The following EXOC6B variants were observed in gnomAD, a reference collection of about 807,000 sequenced individuals.
The protein encoded by EXOC6B is SEC15 homolog B.
EXOC6B carries 54 observed loss-of-function variants against 113.5 expected under a neutral mutation model. The observed-to-expected ratio is 0.48, with a 90% CI of 0.38 to 0.60. The LOEUF (loss-of-function observed/expected upper bound fraction) is 0.60. EXOC6B is among the 20% of genes least tolerant of loss of function. The pLI is 0.00. For missense variants in EXOC6B, 797 were observed against 977.5 expected (o/e 0.82, Z 2.46); for synonymous variants, 357 against 339.0 (o/e 1.05, Z -0.58).
chr2:72,793,064 A>G (rs1024737552), intron 1 of EXOC6B, among the ~76,000 whole-genome samples: 5 of 152,208 alleles, frequency 3.3e-5, no homozygotes, highest in African/African-American at 9.6e-5. Flanking sequence ...CTGTATGAAC[A>G]TACTATAATT....
intron 7 of EXOC6B, among the ~76,000 whole-genome samples, chr2:72,564,336 G>A (rs1009042635): frequency 2.0e-5 from 3 of 152,142 alleles, no homozygotes; most frequent in Non-Finnish European, 4.4e-5. Context: ...TTTCAAAGTA[G>A]ATGGATCATC....
At chr2:72,388,577 T>C (rs988203923) in intron 18 of EXOC6B, among the ~76,000 whole-genome samples, 1 of 152,162 alleles carries the variant, frequency 6.6e-6, no homozygotes, top group African/African-American at 2.4e-5. Flanking sequence ...ATGATAATTG[T>C]TGTTCAAGTC....
intron 20 of EXOC6B, among the ~76,000 whole-genome samples, chr2:72,327,039 G>T (rs952686609): frequency 1.1e-4 from 17 of 152,030 alleles, no homozygotes; most frequent in African/African-American, 4.1e-4. Flanking sequence ...CTACCCAAAA[G>T]GTTGTCAGAA....
chr2:72,419,133 AACAAATTT>A (rs1280347942), intron 18 of EXOC6B, among the ~76,000 whole-genome samples: 1 of 152,194 alleles, frequency 6.6e-6, no homozygotes, highest in African/African-American at 2.4e-5. Flanking sequence ...TGCTACTGTC[AACAAATTT>A]ACAAATTTAT....
chr2:72,492,287 G>T, intron 16 of EXOC6B, 31 bp downstream of exon 16: 2 of 1,375,934 alleles, frequency 1.5e-6, no homozygotes, highest in East Asian at 2.3e-5. Flanking sequence ...TCACATACTG[G>T]CTCGGCTGCC....
In EXOC6B at chr2:72,529,738, T is replaced by C. The variant is rs905655305; in HGVS notation, c.916-14612A>G. On this transcript the variant is annotated intron_variant, in intron 8 of 21. Transcript: ENST00000272427. ...TCGGCCTCCCAAAGTTCTGGGATTA[T>C]AGTTGTGAGCCACTGTGCCCAGTCC... is the stretch of plus-strand genomic sequence containing the variant. 2.6e-5 allele frequency among the ~76,000 whole-genome samples: 4 copies of C among 152,236 alleles called. No homozygotes were observed. The East Asian group carries it at 5.8e-4, about 22-fold the overall frequency.
intron 19 of EXOC6B, among the ~76,000 whole-genome samples, chr2:72,378,493 A>T (rs1165741302): frequency 6.6e-6 from 1 of 152,114 alleles, no homozygotes; most frequent in Non-Finnish European, 1.5e-5. Context: ...CAGCCTTTTT[A>T]TGTCTTCTGT....
At chr2:72,501,456 C>A (rs1436965786) in intron 11 of EXOC6B, among the ~76,000 whole-genome samples, 1 of 152,132 alleles carries the variant, frequency 6.6e-6, no homozygotes, top group East Asian at 1.9e-4. Context: ...GCCTGCAGAA[C>A]CTTGGGCAAA....
chr2:72,806,100 C>T (rs1444190581), intron 1 of EXOC6B, among the ~76,000 whole-genome samples: 2 of 152,134 alleles, frequency 1.3e-5, no homozygotes, highest in East Asian at 3.9e-4. Flanking sequence ...TAGCATGATG[C>T]TAAGGTTTGA....
At chr2:72,616,315 G>A (rs764705921) in intron 6 of EXOC6B, among the ~76,000 whole-genome samples, 21 of 152,074 alleles carry the variant, frequency 1.4e-4, no homozygotes, top group Non-Finnish European at 1.8e-4. Flanking sequence ...GACCTTAATA[G>A]TCAAAGCAAA....
intron 18 of EXOC6B, among the ~76,000 whole-genome samples, chr2:72,459,170 ACT>A (rs1697456008): frequency 1.3e-5 from 2 of 151,930 alleles, no homozygotes; most frequent in African/African-American, 2.4e-5. Flanking sequence ...CATGCTAAAA[ACT>A]CTCAATAAAT....
intron 16 of EXOC6B, among the ~76,000 whole-genome samples, chr2:72,487,757 G>C (rs887314165): frequency 6.6e-6 from 1 of 152,158 alleles, no homozygotes; most frequent in Non-Finnish European, 1.5e-5. Context: ...CTGGGCTCAT[G>C]GGTTTAGGGA....
chr2:72,663,913 T>C (rs1352802159), intron 6 of EXOC6B, among the ~76,000 whole-genome samples: 25 of 152,134 alleles, frequency 1.6e-4, no homozygotes, highest in Non-Finnish European at 1.0e-4. Context: ...CACTAATGCA[T>C]GATGTTAATA....
At chr2:72,706,417 G>A (rs1678882934) in intron 6 of EXOC6B, among the ~76,000 whole-genome samples, 1 of 152,140 alleles carries the variant, frequency 6.6e-6, no homozygotes, top group Non-Finnish European at 1.5e-5. Context: ...TCACCCCAGC[G>A]GCAGTGCAGT....
At chr2:72,631,449 TATATATATATATAGAGAGAGAGAG>T (rs1668568266) in intron 6 of EXOC6B, among the ~76,000 whole-genome samples, 2 of 58,198 alleles carry the variant, frequency 3.4e-5, no homozygotes, top group African/African-American at 1.3e-4. Context: ...TATATATATA[TATATATATATATAGAGAGAGAGAG>T]AGAGAGAGAG....
At chr2:72,400,925 C>T (rs1007421769) in intron 18 of EXOC6B, among the ~76,000 whole-genome samples, 1 of 151,956 alleles carries the variant, frequency 6.6e-6, no homozygotes, top group Non-Finnish European at 1.5e-5. Flanking sequence ...TTTGACCCAG[C>T]AATCCCACTA....
At chr2:72,625,820 T>C (rs1382310881) in intron 6 of EXOC6B, among the ~76,000 whole-genome samples, 1 of 152,204 alleles carries the variant, frequency 6.6e-6, no homozygotes, top group Non-Finnish European at 1.5e-5. Flanking sequence ...TGTTCAGGAA[T>C]ATCCTCACCT....
At chr2:72,714,606 A>T (rs1325144747) in intron 6 of EXOC6B, among the ~76,000 whole-genome samples, 1 of 152,140 alleles carries the variant, frequency 6.6e-6, no homozygotes, top group East Asian at 1.9e-4. Flanking sequence ...CTTAAACAAT[A>T]TGAGAAAAAA....
chr2:72,264,991 T>G (rs1401736852), intron 20 of EXOC6B, among the ~76,000 whole-genome samples: 1 of 151,996 alleles, frequency 6.6e-6, no homozygotes, highest in Non-Finnish European at 1.5e-5. Context: ...GTGAGGTAGC[T>G]GCTATAAAGA....
Sources: gnomAD v4.1 joint callset for allele counts (sites outside exome capture counted in the v4.1 genomes callset) on GRCh38, gnomAD v4.1.1 for gene constraint, MANE v1.5 for transcripts, NCBI Gene and HGNC (gene_info 2026-07-23, HGNC 2026-07-21) for gene names.